The following SHANK2 variants were observed in gnomAD, a reference collection of about 807,000 sequenced individuals.
The protein encoded by SHANK2 is SH3 and multiple ankyrin repeat domains protein 2.
SHANK2 carries 43 observed loss-of-function variants against 133.7 expected under a neutral mutation model. That is an observed-to-expected ratio of 0.32 (90% CI 0.25 to 0.41). The LOEUF (loss-of-function observed/expected upper bound fraction) is 0.41. Among genes scored for constraint, SHANK2 ranks in the 10% least tolerant of loss-of-function variants. The pLI is 1.00. For synonymous variants in SHANK2, 1,017 were observed against 952.8 expected, an observed-to-expected ratio of 1.07 and a Z score of -1.24; for missense variants, 1,994 against 2,235.8, an observed-to-expected ratio of 0.89 and a Z score of 2.18.
chr11:70,834,871 C>A (rs1404090346), intron 11 of SHANK2, among the ~76,000 whole-genome samples: 2 of 152,076 alleles, frequency 1.3e-5, no homozygotes, highest in South Asian at 2.1e-4. Context: ...TCGGAACCTC[C>A]CACAGGGTCT....
intron 17 of SHANK2, among the ~76,000 whole-genome samples, chr11:70,527,103 T>C (rs1554972314): frequency 6.6e-6 from 1 of 152,200 alleles, no homozygotes; most frequent in Non-Finnish European, 1.5e-5. Context: ...CGTGCTGGTG[T>C]TCTGACCCAC....
chr11:70,789,187 C>T (rs1256012291), intron 14 of SHANK2, among the ~76,000 whole-genome samples: 6 of 152,136 alleles, frequency 3.9e-5, no homozygotes, highest in Non-Finnish European at 8.8e-5. Context: ...ATACACAACA[C>T]GTGTTTCCTT....
chr11:70,944,764 A>T lies in SHANK2; in HGVS notation c.1108-48197T>A, dbSNP rs540493876. Among the ~76,000 whole-genome samples the T allele has an allele frequency of 2.1e-3, 319 of 151,970 alleles. 2 individuals carry two copies. The highest frequency in any genetic ancestry group is 6.2e-4 in the Non-Finnish European group (42 of 67,976). ...TTTGTCTTGGATGATCTCTTTGTTTATTTCTCCCTCATTATTCAGATGCTG... is the reference window on the plus strand; with the variant it reads ...TTTGTCTTGGATGATCTCTTTGTTTTTTTCTCCCTCATTATTCAGATGCTG... On this transcript the variant is annotated intron_variant, in intron 10 of 25. Coordinates refer to ENST00000601538, the MANE Select transcript of SHANK2 (RefSeq NM_012309.5).
At chr11:71,190,908 T>A (rs2135580013) in intron 2 of SHANK2, among the ~76,000 whole-genome samples, 1 of 151,906 alleles carries the variant, frequency 6.6e-6, no homozygotes, top group African/African-American at 2.4e-5. Context: ...ATCTCTGGTG[T>A]GTTTGTGCAT....
intron 17 of SHANK2, among the ~76,000 whole-genome samples, chr11:70,605,432 T>G (rs1246455325): frequency 3.9e-5 from 6 of 152,322 alleles, no homozygotes; most frequent in African/African-American, 1.4e-4. Context: ...TGACCACTCA[T>G]GTTTAGGCTG....
intron 7 of SHANK2, 84 bp downstream of exon 7, chr11:71,094,453 G>T: frequency 7.3e-7 from 1 of 1,375,718 alleles, no homozygotes; most frequent in Non-Finnish European, 9.9e-7. Flanking sequence ...GACCCCCTAG[G>T]ATGGGCACTG....
At chr11:70,752,705 C>CAAA (rs530096112) in intron 14 of SHANK2, among the ~76,000 whole-genome samples, 24 of 103,872 alleles carry the variant, frequency 2.3e-4, no homozygotes, top group South Asian at 6.3e-4. Flanking sequence ...GACTCCGTCT[C>CAAA]AAAAAAAAAA....
At chr11:70,936,914 C>T (rs1373028518) in intron 10 of SHANK2, among the ~76,000 whole-genome samples, 1 of 152,220 alleles carries the variant, frequency 6.6e-6, no homozygotes, top group Non-Finnish European at 1.5e-5. Flanking sequence ...TTTCCAGTTC[C>T]AAGTAACCTT....
intron 14 of SHANK2, among the ~76,000 whole-genome samples, chr11:70,716,643 G>T (rs1198352737): frequency 2.0e-5 from 3 of 152,154 alleles, no homozygotes; most frequent in Non-Finnish European, 4.4e-5. Flanking sequence ...CGTGACCTTA[G>T]CAAGCCAGGG....
chr11:70,954,578 A>G (rs1464067228), intron 10 of SHANK2, among the ~76,000 whole-genome samples: 3 of 152,196 alleles, frequency 2.0e-5, no homozygotes, highest in Non-Finnish European at 4.4e-5. Context: ...ATCCGCCCTC[A>G]CTTTCATGGG....
At chr11:71,223,325 A>C (rs1301664300) in intron 2 of SHANK2, among the ~76,000 whole-genome samples, 2 of 152,240 alleles carry the variant, frequency 1.3e-5, no homozygotes, top group African/African-American at 4.8e-5. Context: ...AAGCAGAGAT[A>C]AACGATCAGC....
intron 17 of SHANK2, among the ~76,000 whole-genome samples, chr11:70,618,418 A>G (rs1554996749): frequency 1.3e-5 from 2 of 152,210 alleles, no homozygotes; most frequent in Non-Finnish European, 2.9e-5. Flanking sequence ...AAGTCTCCAG[A>G]GTTAACCGCC....
chr11:70,524,142 C>T (rs899115348), intron 17 of SHANK2, among the ~76,000 whole-genome samples: 11 of 152,202 alleles, frequency 7.2e-5, no homozygotes, highest in African/African-American at 2.7e-4. Context: ...CGACGGGATC[C>T]CATTTTACAG....
chr11:71,062,815 G>C (rs1482577691), intron 9 of SHANK2, among the ~76,000 whole-genome samples: 1 of 151,922 alleles, frequency 6.6e-6, no homozygotes, highest in African/African-American at 2.4e-5. Context: ...GGGCAATATA[G>C]CAAGATCCCG....
In SHANK2 at chr11:70,739,365, C is replaced by A. The variant is rs1195103281; in HGVS notation, c.1778-40602G>T. ...AGAAGGGAGGAGGCCAGGAGGTGGA[C>A]AATGAAGACAATCGTGTGGAGCAGC... On this transcript the variant is annotated intron_variant, in intron 14 of 25. Coordinates refer to ENST00000601538, the MANE Select transcript of SHANK2 (RefSeq NM_012309.5). This position sits in a 1 kb window ranked among gnomAD's most constrained non-coding sequence, Gnocchi z 4.3. Among the ~76,000 whole-genome samples, 2 of 152,224 alleles carry A rather than the reference C, an allele frequency of 1.3e-5. No individual in the cohort carries two copies. Among genetic ancestry groups the A allele is most frequent in the Non-Finnish European group, 2.9e-5 (2 of 68,044 alleles).
intron 3 of SHANK2, among the ~76,000 whole-genome samples, chr11:71,136,633 A>G (rs1952444666): frequency 6.6e-6 from 1 of 152,250 alleles, no homozygotes; most frequent in African/African-American, 2.4e-5. Context: ...TACCCAAAAA[A>G]GCTGATTATG....
chr11:70,899,959 T>C lies in SHANK2; in HGVS notation c.1108-3392A>G, dbSNP rs527858365. ...GGGCATTACGTGTAACCCACAAACC[T>C]AGGTTTTCTCACCTGTGAAATAGGT... is the stretch of plus-strand genomic sequence containing the variant. On this transcript the variant is annotated intron_variant, in intron 10 of 25. Transcript: ENST00000601538. Among the ~76,000 whole-genome samples the C allele has an allele frequency of 2.6e-5, 4 of 152,360 alleles. No individual in the cohort carries two copies. In the South Asian group the frequency reaches 8.3e-4, roughly 32 times the overall value.
intron 14 of SHANK2, among the ~76,000 whole-genome samples, chr11:70,728,629 C>A (rs1555031290): frequency 6.6e-6 from 1 of 152,204 alleles, no homozygotes; most frequent in African/African-American, 2.4e-5. Flanking sequence ...TGGAAACAAA[C>A]AAGGCACAAA....
chr11:70,587,651 T>C (rs1338630807), intron 17 of SHANK2, among the ~76,000 whole-genome samples: 5 of 152,036 alleles, frequency 3.3e-5, no homozygotes, highest in Non-Finnish European at 7.4e-5. Context: ...GATACTGCAT[T>C]TGTTACAAAC....
Sources: gnomAD v4.1 joint callset for allele counts (sites outside exome capture counted in the v4.1 genomes callset) on GRCh38, gnomAD v4.1.1 for gene constraint, Gnocchi (gnomAD v3.1) non-coding constraint, MANE v1.5 for transcripts, NCBI Gene and HGNC (gene_info 2026-07-23, HGNC 2026-07-21) for gene names.